The following SLC12A8 variants were observed in gnomAD, a reference collection of about 807,000 sequenced individuals.
SLC12A8 encodes cation-chloride cotransporter 9.
In SLC12A8, 69 loss-of-function variants were observed where a neutral mutation model predicts 75.6. The ratio of observed to expected loss-of-function variants is 0.91; its 90% CI spans 0.75 to 1.11. The LOEUF (loss-of-function observed/expected upper bound fraction) is 1.11. Ranked by LOEUF, SLC12A8 falls within the 50% of genes most tolerant of loss-of-function variation. SLC12A8 has a pLI of 0.00. For missense variants in SLC12A8, 877 were observed against 896.7 expected, an observed-to-expected ratio of 0.98 and a Z score of 0.28; for synonymous variants, 365 against 372.8, an observed-to-expected ratio of 0.98 and a Z score of 0.24.
At chr3:125,184,418 G>A (rs1259544749) in intron 4 of SLC12A8, among the ~76,000 whole-genome samples, 1 of 152,064 alleles carries the variant, frequency 6.6e-6, no homozygotes, top group African/African-American at 2.4e-5. Flanking sequence ...AACTATACCC[G>A]TTTTTTGTAA....
chr3:125,106,015 C>T (rs980069276), intron 10 of SLC12A8, among the ~76,000 whole-genome samples: 4 of 152,048 alleles, frequency 2.6e-5, no homozygotes, highest in African/African-American at 9.7e-5. Flanking sequence ...ATAACAGCAA[C>T]TCAAAAGATG....
chr3:125,138,507 T>C (rs1933547880), intron 5 of SLC12A8, among the ~76,000 whole-genome samples: 1 of 152,256 alleles, frequency 6.6e-6, no homozygotes, highest in East Asian at 1.9e-4. Context: ...GTTTTTAGTA[T>C]AAGAGAAAAC....
intron 2 of SLC12A8, among the ~76,000 whole-genome samples, chr3:125,197,131 G>GA (rs1288104601): frequency 3.3e-5 from 5 of 151,932 alleles, no homozygotes; most frequent in Admixed American, 6.5e-5. Flanking sequence ...GTGCTAAAAA[G>GA]AAAAAAATGA....
chr3:125,168,306 G>A (rs1345716102), intron 5 of SLC12A8, among the ~76,000 whole-genome samples: 1 of 152,220 alleles, frequency 6.6e-6, no homozygotes, highest in Admixed American at 6.5e-5. Context: ...TGATTAATTG[G>A]TGGAAAGGGC....
At chr3:125,155,621 A>AATTAGCCGGGTGTG (rs578023995) in intron 5 of SLC12A8, among the ~76,000 whole-genome samples, 1 of 120,710 alleles carries the variant, frequency 8.3e-6, no homozygotes, top group Admixed American at 8.7e-5. Flanking sequence ...AATACAAAAA[A>AATTAGCCGGGTGTG]GTAGCTGTAG....
At chr3:125,153,373 C>CT (rs1312334411) in intron 5 of SLC12A8, among the ~76,000 whole-genome samples, 1 of 152,206 alleles carries the variant, frequency 6.6e-6, no homozygotes, top group Non-Finnish European at 1.5e-5. Flanking sequence ...CTGTAGCTGC[C>CT]TATCAAACTC....
At chr3:125,130,154 A>C (rs1490064387) in intron 6 of SLC12A8, among the ~76,000 whole-genome samples, 5 of 152,158 alleles carry the variant, frequency 3.3e-5, no homozygotes, top group African/African-American at 1.2e-4. Context: ...TCAAAATAAT[A>C]CTCATAATTT....
chr3:125,170,262 G>A (rs1342739167), intron 5 of SLC12A8, among the ~76,000 whole-genome samples: 1 of 152,166 alleles, frequency 6.6e-6, no homozygotes, highest in Non-Finnish European at 1.5e-5. Flanking sequence ...TAAAGTGTTT[G>A]ACCTTTGTCC....
At chr3:125,194,800 C>T (rs918867208) in intron 2 of SLC12A8, among the ~76,000 whole-genome samples, 1 of 152,254 alleles carries the variant, frequency 6.6e-6, no homozygotes, top group African/African-American at 2.4e-5. Context: ...GGATTACATA[C>T]ACATGCGAAC....
intron 4 of SLC12A8, among the ~76,000 whole-genome samples, chr3:125,183,273 T>C (rs1934704574): frequency 6.6e-6 from 1 of 152,198 alleles, no homozygotes; most frequent in Admixed American, 6.5e-5. Flanking sequence ...TTGTTATACG[T>C]TAAACGTATT....
At position 125,107,548 on chromosome 3, in the gene SLC12A8, C is replaced by T. The variant is rs1228773970; in HGVS notation, c.1638G>A (p.Gln546=). The part of the protein sequence containing the change: ...NKQTSKSEGT[Q]PEGTYGEQLV... Reference sequence around the variant, plus strand: ...GTTGCTCTCCATATGTTCCCTCAGGCTGAGTCCCTTCGCTCTTGGAAGTCT... The same window carrying T: ...GTTGCTCTCCATATGTTCCCTCAGGTTGAGTCCCTTCGCTCTTGGAAGTCT... Residue 546 remains glutamine (Q), a synonymous_variant, in exon 10 of 14, where the codon CAG becomes CAA. Coordinates refer to ENST00000469902, the MANE Select transcript of SLC12A8 (RefSeq NM_024628.6). 6.2e-7 allele frequency: 1 copy of T among 1,614,080 alleles called. No homozygotes were observed. Among genetic ancestry groups the T allele is most frequent in the African/African-American group, 1.3e-5 (1 of 74,930 alleles).
intron 5 of SLC12A8, among the ~76,000 whole-genome samples, chr3:125,163,806 C>G: frequency 6.6e-6 from 1 of 152,112 alleles, no homozygotes; most frequent in Non-Finnish European, 1.5e-5. Context: ...TGCCCAAGGC[C>G]AAGGATGCAG....
intron 2 of SLC12A8, among the ~76,000 whole-genome samples, chr3:125,204,534 T>A (rs1935189806): frequency 6.6e-6 from 1 of 152,124 alleles, no homozygotes; most frequent in Admixed American, 6.6e-5. Context: ...AACAGTTGAC[T>A]TCATTGAGCT....
At chr3:125,087,878 C>A (rs1465440033) in intron 13 of SLC12A8, among the ~76,000 whole-genome samples, 4 of 152,194 alleles carry the variant, frequency 2.6e-5, no homozygotes, top group Non-Finnish European at 5.9e-5. Flanking sequence ...TCTGCACTGT[C>A]CCCAACCCAG....
intron 5 of SLC12A8, 25 bp from the exon 6 acceptor site, chr3:125,135,807 C>A (rs369087778): frequency 7.1e-7 from 1 of 1,398,642 alleles, no homozygotes; most frequent in Non-Finnish European, 1.0e-6. Context: ...TGGAGAGCAA[C>A]GTAAGCCCAG....
At chr3:125,159,181 T>C (rs1044427022) in intron 5 of SLC12A8, among the ~76,000 whole-genome samples, 6 of 152,236 alleles carry the variant, frequency 3.9e-5, no homozygotes, top group Non-Finnish European at 7.3e-5. Flanking sequence ...AAAATATTAA[T>C]ACCAGACTTA....
chr3:125,090,532 G>A (rs143878697), intron 12 of SLC12A8, among the ~76,000 whole-genome samples: 2 of 152,100 alleles, frequency 1.3e-5, no homozygotes, highest in African/African-American at 4.8e-5. Flanking sequence ...CTCTGACTAT[G>A]GTTGTGAACT....
intron 13 of SLC12A8, among the ~76,000 whole-genome samples, chr3:125,085,575 TTTATC>T (rs1938435394): frequency 6.6e-6 from 1 of 152,180 alleles, no homozygotes; most frequent in Non-Finnish European, 1.5e-5. Flanking sequence ...ATTTTTATTT[TTTATC>T]TTATTTTAAT....
chr3:125,143,984 C>T (rs777096274), intron 5 of SLC12A8, among the ~76,000 whole-genome samples: 3 of 152,206 alleles, frequency 2.0e-5, no homozygotes, highest in Non-Finnish European at 4.4e-5. Flanking sequence ...AGAAATTGTT[C>T]CATCTGCTAA....
Sources: allele counts gnomAD v4.1 joint callset (sites outside exome capture counted in the v4.1 genomes callset), GRCh38; gene constraint gnomAD v4.1.1; transcripts MANE v1.5; gene names NCBI Gene and HGNC (gene_info 2026-07-23, HGNC 2026-07-21).